Variants in PPP2R2C observed in about 807,000 individuals in gnomAD.
The protein encoded by PPP2R2C is protein phosphatase 2, regulatory subunit B, gamma.
PPP2R2C carries 10 observed loss-of-function variants against 45.3 expected under a neutral mutation model. The ratio of observed to expected loss-of-function variants is 0.22; its 90% CI spans 0.14 to 0.37. The LOEUF (loss-of-function observed/expected upper bound fraction) is 0.37, where lower values mean the gene tolerates loss of function less well. PPP2R2C is among the 10% of genes least tolerant of loss of function. The pLI, the probability that PPP2R2C is intolerant of heterozygous loss-of-function variation, is 1.00. For missense variants in PPP2R2C, 308 were observed against 619.7 expected, an observed-to-expected ratio of 0.50 and a Z score of 5.34; for synonymous variants, 257 against 245.4, an observed-to-expected ratio of 1.05 and a Z score of -0.44.
At chr4:6,337,889 A>C (rs1008702438) in intron 6 of PPP2R2C, among the ~76,000 whole-genome samples, 1 of 152,182 alleles carries the variant, frequency 6.6e-6, no homozygotes, top group Admixed American at 6.5e-5. Context: ...GATATTAATA[A>C]GCCTGAAAAA....
chr4:6,461,037 C>G (rs1030110286), intron 1 of PPP2R2C, among the ~76,000 whole-genome samples: 3 of 152,166 alleles, frequency 2.0e-5, no homozygotes, highest in Admixed American at 6.5e-5. Context: ...AAGACACCAG[C>G]CTTTACCCCT....
chr4:6,534,886 G>A (rs1233395227), intron 2 of PPP2R2C, among the ~76,000 whole-genome samples: 5 of 152,232 alleles, frequency 3.3e-5, no homozygotes, highest in African/African-American at 9.6e-5. Flanking sequence ...CCACTGCTGC[G>A]ACCCCAGGGG....
chr4:6,465,010 A>G (rs1453048508), intron 1 of PPP2R2C, among the ~76,000 whole-genome samples: 1 of 152,204 alleles, frequency 6.6e-6, no homozygotes, highest in Non-Finnish European at 1.5e-5. Flanking sequence ...TATCACAGGA[A>G]TAGTATGCAG....
chr4:6,486,334 G>A (rs577902341), intron 2 of PPP2R2C, among the ~76,000 whole-genome samples: 1 of 152,092 alleles, frequency 6.6e-6, no homozygotes, highest in Admixed American at 6.5e-5. Context: ...GTGTGTACTT[G>A]AACATCTATT....
chr4:6,374,481 C>T (rs1320453735), intron 4 of PPP2R2C, among the ~76,000 whole-genome samples: 7 of 152,210 alleles, frequency 4.6e-5, no homozygotes, highest in Non-Finnish European at 8.8e-5. Flanking sequence ...ACACTAAGGA[C>T]AGACAGTGTC....
At chr4:6,342,273 T>C (rs1356500010) in intron 6 of PPP2R2C, among the ~76,000 whole-genome samples, 1 of 152,134 alleles carries the variant, frequency 6.6e-6, no homozygotes, top group Non-Finnish European at 1.5e-5. Flanking sequence ...CAGCCGACTA[T>C]TAGGAGTGAA....
At chr4:6,348,668 C>A in intron 5 of PPP2R2C, 1 of 985,382 alleles carries the variant, frequency 1.0e-6, no homozygotes, top group Non-Finnish European at 1.2e-6. Context: ...TGGGATGCAG[C>A]TTGGTCACCC....
upstream of PPP2R2C, among the ~76,000 whole-genome samples, chr4:6,476,965 A>C (rs57410633): frequency 0.074 from 11,264 of 152,236 alleles, 535 homozygotes; most frequent in East Asian, 0.13. Context: ...ATGTGTACAC[A>C]ATTCTGGGAA....
intron 1 of PPP2R2C, among the ~76,000 whole-genome samples, chr4:6,402,257 TCTGA>T (rs1717466700): frequency 6.6e-6 from 1 of 152,172 alleles, no homozygotes; most frequent in South Asian, 2.1e-4. Flanking sequence ...CCCACACCCA[TCTGA>T]CTTCCAGCCC....
Position 6,422,930 on chromosome 4 carries a change from A to G in PPP2R2C, c.71-41836T>C, listed in dbSNP as rs182419809. 9.7e-4 allele frequency among the ~76,000 whole-genome samples: 148 copies of G among 152,324 alleles called. 1 individual carries two copies. The highest frequency in any genetic ancestry group is 3.3e-3 in the African/African-American group (139 of 41,572). Reference sequence around the variant, plus strand: ...AAGTAACAACAACTAACCTTGACAGAGCACCTGCCAAGTGCCAGCAGCATG... The same window carrying G: ...AAGTAACAACAACTAACCTTGACAGGGCACCTGCCAAGTGCCAGCAGCATG... On this transcript the variant is annotated intron_variant, in intron 1 of 8. Coordinates refer to ENST00000382599, the MANE Select transcript of PPP2R2C (RefSeq NM_020416.4).
chr4:6,386,321 C>T (rs904694187), intron 1 of PPP2R2C, among the ~76,000 whole-genome samples: 1 of 152,126 alleles, frequency 6.6e-6, no homozygotes, highest in Non-Finnish European at 1.5e-5. Flanking sequence ...CTTGATAGAG[C>T]AGCAAACAGA....
chr4:6,418,827 A>C (rs962253596), intron 1 of PPP2R2C, among the ~76,000 whole-genome samples: 7 of 152,312 alleles, frequency 4.6e-5, no homozygotes, highest in Middle Eastern at 3.4e-3. Flanking sequence ...TCATTCTTCA[A>C]GCAAATCTCC....
Position 6,423,423 on chromosome 4 carries a change from C to T in PPP2R2C, c.71-42329G>A, listed in dbSNP as rs182776381. ...TTCACCACATTGGCCAGGCTGGTCT[C>T]GAACCCCTGACCTCAAGTGATCCAC... is the stretch of plus-strand genomic sequence containing the variant. On this transcript the variant is annotated intron_variant, in intron 1 of 8. Transcript: ENST00000382599. Among the ~76,000 whole-genome samples the T allele has an allele frequency of 3.7e-3, 564 of 152,312 alleles. 3 individuals are homozygous for T. The highest frequency in any genetic ancestry group is 0.013 in the African/African-American group (522 of 41,562).
chr4:6,509,408 G>A (rs1346892143), intron 2 of PPP2R2C, among the ~76,000 whole-genome samples: 1 of 151,568 alleles, frequency 6.6e-6, no homozygotes, highest in Admixed American at 6.6e-5. Context: ...ATATTCAGGG[G>A]GAAAAAAAGT....
chr4:6,517,899 T>A (rs1723875587), intron 2 of PPP2R2C, among the ~76,000 whole-genome samples: 1 of 152,124 alleles, frequency 6.6e-6, no homozygotes, highest in South Asian at 2.1e-4. Context: ...ATGATAAAAC[T>A]GAGGCTCAGC....
At chr4:6,516,062 C>T (rs1409953730) in intron 2 of PPP2R2C, among the ~76,000 whole-genome samples, 3 of 152,260 alleles carry the variant, frequency 2.0e-5, no homozygotes, top group Non-Finnish European at 2.9e-5. Context: ...TCTCAACTAA[C>T]TACATCTGCA....
intron 1 of PPP2R2C, among the ~76,000 whole-genome samples, chr4:6,548,731 G>A (rs1167609070): frequency 6.6e-6 from 1 of 152,166 alleles, no homozygotes. Context: ...TCCCTCCAGG[G>A]GGCAGTCATT....
At chr4:6,325,133 C>G (rs936989576) in intron 8 of PPP2R2C, among the ~76,000 whole-genome samples, 7 of 152,166 alleles carry the variant, frequency 4.6e-5, no homozygotes, top group Non-Finnish European at 1.0e-4. Flanking sequence ...CCGCCTGGGT[C>G]CGGATCCCAG....
At chr4:6,480,737 G>T (rs1472142639) in intron 2 of PPP2R2C, among the ~76,000 whole-genome samples, 1 of 152,140 alleles carries the variant, frequency 6.6e-6, no homozygotes, top group Non-Finnish European at 1.5e-5. Flanking sequence ...ATGCATACTG[G>T]AATATATACA....
Sources: allele counts gnomAD v4.1 joint callset (sites outside exome capture counted in the v4.1 genomes callset), GRCh38; gene constraint gnomAD v4.1.1; transcripts MANE v1.5; gene names NCBI Gene and HGNC (gene_info 2026-07-23, HGNC 2026-07-21).